Variants in INSC observed in about 807,000 individuals in gnomAD.
INSC encodes INSC spindle orientation adaptor protein.
Under a neutral mutation model 58.6 loss-of-function variants are expected in INSC, and 67 were observed. That is an observed-to-expected ratio of 1.14 (90% CI 0.94 to 1.40). INSC has a LOEUF of 1.40. Among genes scored for constraint, INSC ranks in the 40% most tolerant of loss-of-function variants. INSC has a pLI of 0.00. For missense variants in INSC, 714 were observed against 692.0 expected, an observed-to-expected ratio of 1.03 and a Z score of -0.36; for synonymous variants, 262 against 276.1, an observed-to-expected ratio of 0.95 and a Z score of 0.51.
chr11:15,247,577 C>T (rs1436160618), downstream of INSC, among the ~76,000 whole-genome samples: 1 of 151,916 alleles, frequency 6.6e-6, no homozygotes, highest in East Asian at 1.9e-4. Context: ...TAGATATTAA[C>T]ATTTACTACT....
intron 2 of INSC, among the ~76,000 whole-genome samples, chr11:15,164,755 C>T (rs2133794390): frequency 6.6e-6 from 1 of 152,236 alleles, no homozygotes; most frequent in South Asian, 2.1e-4. Context: ...ACCCAAATCT[C>T]ATCTCGAATT....
chr11:15,172,337 T>G (rs76856023), intron 2 of INSC, among the ~76,000 whole-genome samples: 1,869 of 152,300 alleles, frequency 0.012, 46 homozygotes, highest in African/African-American at 0.043. Flanking sequence ...GCCTGTGTGA[T>G]GGAGGCGTAT....
At chr11:15,177,035 C>T in intron 3 of INSC, 76 bp from the exon 4 acceptor site, 1 of 1,099,578 alleles carries the variant, frequency 9.1e-7, no homozygotes, top group East Asian at 2.4e-5. Flanking sequence ...GTTTAATGTC[C>T]CCGTGTGCTC....
chr11:15,193,108 A>C (rs1359388179), intron 6 of INSC, among the ~76,000 whole-genome samples: 1 of 152,242 alleles, frequency 6.6e-6, no homozygotes, highest in Admixed American at 6.5e-5. Context: ...CAAAGGATTC[A>C]TTGCACTTAT....
intron 2 of INSC, among the ~76,000 whole-genome samples, chr11:15,154,278 A>G (rs1848739571): frequency 1.3e-5 from 2 of 152,154 alleles, no homozygotes; most frequent in Admixed American, 1.3e-4. Context: ...TTGGCTAGGG[A>G]GTTTCAGGTG....
chr11:15,113,762 CAG>C, upstream of INSC, among the ~76,000 whole-genome samples: 1 of 152,238 alleles, frequency 6.6e-6, no homozygotes, highest in East Asian at 1.9e-4. Context: ...GAGTTAATAT[CAG>C]AGAGCTACTG....
At chr11:15,250,719 AGTAACAACT>A (rs1852641584), downstream of INSC, among the ~76,000 whole-genome samples, 1 of 152,218 alleles carries the variant, frequency 6.6e-6, no homozygotes, top group Admixed American at 6.5e-5. Context: ...GGCTTAAAAC[AGTAACAACT>A]ACAACAACAG....
intron 2 of INSC, among the ~76,000 whole-genome samples, chr11:15,159,022 A>G (rs1848921155): frequency 6.6e-6 from 1 of 152,144 alleles, no homozygotes; most frequent in Admixed American, 6.5e-5. Context: ...GCCTGGCCCC[A>G]GTGTGCACTG....
rs528880104 is a variant in INSC, at chr11:15,173,158, C to T, written c.57-2583C>T. ...ATGGCTTAATAAGTTGTGGAATATA[C>T]GCAATATGGAATAGTGTTCAAACAT... is the stretch of plus-strand genomic sequence containing the variant. On this transcript the variant is annotated intron_variant, in intron 2 of 12. Coordinates refer to ENST00000379556, the MANE Select transcript of INSC (RefSeq NM_001042536.3). Among the ~76,000 whole-genome samples, 9 of 152,220 alleles carry T rather than the reference C, an allele frequency of 5.9e-5. No homozygotes were observed. In the East Asian group the frequency reaches 9.6e-4, roughly 16 times the overall value.
chr11:15,195,828 T>A (rs990612635), intron 6 of INSC, among the ~76,000 whole-genome samples: 6 of 152,218 alleles, frequency 3.9e-5, no homozygotes, highest in Non-Finnish European at 2.9e-5. Flanking sequence ...AACTCCTCCT[T>A]TGTGGCCTGA....
At chr11:15,218,032 T>C (rs1178479165) in intron 7 of INSC, among the ~76,000 whole-genome samples, 1 of 152,152 alleles carries the variant, frequency 6.6e-6, no homozygotes, top group Non-Finnish European at 1.5e-5. Context: ...ACTCCTAGAT[T>C]GGGATCTCTG....
At chr11:15,203,307 T>C (rs1483914718) in intron 7 of INSC, among the ~76,000 whole-genome samples, 2 of 152,154 alleles carry the variant, frequency 1.3e-5, no homozygotes, top group Non-Finnish European at 2.9e-5. Context: ...CATCCCCAGC[T>C]GGCATAGGGG....
At chr11:15,215,159 C>T (rs1278415365) in intron 7 of INSC, among the ~76,000 whole-genome samples, 1 of 152,220 alleles carries the variant, frequency 6.6e-6, no homozygotes, top group African/African-American at 2.4e-5. Context: ...CCATCCTCAT[C>T]ACCACTTGCA....
chr11:15,128,982 G>C (rs947497884), intron 1 of INSC, among the ~76,000 whole-genome samples: 4 of 152,136 alleles, frequency 2.6e-5, no homozygotes, highest in African/African-American at 9.7e-5. Flanking sequence ...GCAGAAAGGG[G>C]CTTTTAAAGT....
chr11:15,131,471 T>C (rs757208894), intron 1 of INSC, among the ~76,000 whole-genome samples: 3 of 152,104 alleles, frequency 2.0e-5, no homozygotes, highest in Non-Finnish European at 4.4e-5. Context: ...GTTCTATTCA[T>C]GAATATTAAT....
intron 7 of INSC, among the ~76,000 whole-genome samples, chr11:15,206,429 A>G (rs1351622929): frequency 1.3e-5 from 2 of 152,218 alleles, no homozygotes; most frequent in Admixed American, 6.5e-5. Flanking sequence ...TGGGGCTCCA[A>G]GTCTCCAAGT....
intron 2 of INSC, 96 bp from the exon 3 acceptor site, chr11:15,175,645 T>C (rs1216198448): frequency 3.4e-6 from 3 of 870,480 alleles, no homozygotes; most frequent in Non-Finnish European, 5.2e-6. Context: ...GCTAAACATA[T>C]AATAGGTGCT....
intron 9 of INSC, among the ~76,000 whole-genome samples, chr11:15,231,703 A>C (rs1016248566): frequency 3.9e-5 from 6 of 152,258 alleles, no homozygotes; most frequent in Non-Finnish European, 8.8e-5. Context: ...GCACAGCATA[A>C]AAGTAATTAT....
At chr11:15,158,214 C>G (rs1848884792) in intron 2 of INSC, among the ~76,000 whole-genome samples, 1 of 151,778 alleles carries the variant, frequency 6.6e-6, no homozygotes, top group East Asian at 1.9e-4. Flanking sequence ...CAATTGTTGT[C>G]ACTTCCCTGC....
Sources: gnomAD v4.1 joint callset for allele counts (sites outside exome capture counted in the v4.1 genomes callset) on GRCh38, gnomAD v4.1.1 for gene constraint, MANE v1.5 for transcripts, NCBI Gene and HGNC (gene_info 2026-07-23, HGNC 2026-07-21) for gene names.